Variants in ANKRD12 observed in about 807,000 individuals in gnomAD.
The protein encoded by ANKRD12 is ankyrin repeat domain-containing protein 12.
In ANKRD12, 85 loss-of-function variants were observed where a neutral mutation model predicts 183.4. That is an observed-to-expected ratio of 0.46 (90% CI 0.39 to 0.56). The LOEUF (loss-of-function observed/expected upper bound fraction) is 0.56, where lower values mean the gene tolerates loss of function less well. ANKRD12 is among the 20% of genes least tolerant of loss of function. ANKRD12 has a pLI of 0.00. For missense variants in ANKRD12, 2,405 were observed against 2,357.1 expected (o/e 1.02, Z -0.42); for synonymous variants, 914 against 800.2 (o/e 1.14, Z -2.40).
chr18:9,276,545 C>T (rs1040175108), intron 11 of ANKRD12, among the ~76,000 whole-genome samples: 24 of 152,056 alleles, frequency 1.6e-4, no homozygotes, highest in African/African-American at 5.5e-4. Context: ...GAAACCCCGT[C>T]TTTACAAAAA....
intron 1 of ANKRD12, among the ~76,000 whole-genome samples, chr18:9,170,475 T>C (rs546656987): frequency 2.0e-4 from 30 of 152,364 alleles, no homozygotes; most frequent in Admixed American, 5.2e-4. Flanking sequence ...CCGTCACTTA[T>C]ACCCTTTCTT....
At chr18:9,170,139 C>G (rs1286748562) in intron 1 of ANKRD12, among the ~76,000 whole-genome samples, 3 of 152,206 alleles carry the variant, frequency 2.0e-5, no homozygotes, top group African/African-American at 4.8e-5. Context: ...TCTGGCTGCC[C>G]TTAACATTTT....
At chr18:9,238,285 A>T (rs1381006955) in intron 8 of ANKRD12, among the ~76,000 whole-genome samples, 1 of 152,076 alleles carries the variant, frequency 6.6e-6, no homozygotes, top group Admixed American at 6.5e-5. Context: ...CCCTCTTCTC[A>T]TGCTGCATAC....
intron 12 of ANKRD12, 54 bp downstream of exon 12, chr18:9,279,698 A>T (rs934540028): frequency 9.2e-6 from 10 of 1,088,774 alleles, no homozygotes; most frequent in Non-Finnish European, 1.3e-5. Context: ...CTTAAAAAAA[A>T]AAAAAACTCT....
At chr18:9,273,807 T>C (rs1252135749) in intron 10 of ANKRD12, among the ~76,000 whole-genome samples, 1 of 152,174 alleles carries the variant, frequency 6.6e-6, no homozygotes, top group African/African-American at 2.4e-5. Context: ...CCCAGAGCAT[T>C]GAGATTACAG....
At chr18:9,268,344 C>T (rs1430194620) in intron 10 of ANKRD12, among the ~76,000 whole-genome samples, 1 of 152,170 alleles carries the variant, frequency 6.6e-6, no homozygotes, top group Non-Finnish European at 1.5e-5. Context: ...ACCAATATCC[C>T]TGATGAACAT....
chr18:9,192,617 G>GT (rs1008868434), intron 2 of ANKRD12, among the ~76,000 whole-genome samples: 9 of 151,592 alleles, frequency 5.9e-5, no homozygotes, highest in Non-Finnish European at 1.2e-4. Context: ...TTGAATTTTT[G>GT]TTTTTTTGGT....
chr18:9,148,026 G>A (rs981788391), intron 1 of ANKRD12, among the ~76,000 whole-genome samples: 3 of 152,176 alleles, frequency 2.0e-5, no homozygotes, highest in African/African-American at 7.2e-5. Context: ...TGACAGTGAA[G>A]TGAATACAGT....
At chr18:9,247,875 C>G (rs1383569486) in intron 8 of ANKRD12, among the ~76,000 whole-genome samples, 1 of 151,986 alleles carries the variant, frequency 6.6e-6, no homozygotes, top group Non-Finnish European at 1.5e-5. Context: ...CAACTTCCAC[C>G]TCCCAGGTTC....
intron 6 of ANKRD12, 39 bp from the exon 7 acceptor site, chr18:9,216,719 G>A: frequency 6.2e-7 from 1 of 1,601,326 alleles, no homozygotes; most frequent in East Asian, 2.3e-5. Flanking sequence ...TTTTGAAGTA[G>A]CGCAAGTGAA....
At position 9,195,627 on chromosome 18, in the gene ANKRD12, AATC is replaced by A. The variant is rs772286903; in HGVS notation, c.168_170del (p.Ser57del). On this transcript the variant is annotated inframe_deletion, in exon 3 of 13. Transcript: ENST00000262126. ...GATGTGAGCAAGGAGATGAAAGAGA[AATC>A]ATCCATGAAACGTAAACTTCCTTTT... 2.5e-6 allele frequency: 4 copies of A among 1,613,164 alleles called. No homozygotes were observed. Among genetic ancestry groups the A allele is most frequent in the Non-Finnish European group, 3.4e-6 (4 of 1,179,594 alleles).
intron 1 of ANKRD12, among the ~76,000 whole-genome samples, chr18:9,139,890 A>T (rs1028805918): frequency 6.6e-6 from 1 of 152,212 alleles, no homozygotes; most frequent in African/African-American, 2.4e-5. Flanking sequence ...GCAGCTAGTT[A>T]AAAACTAGTC....
At chr18:9,248,929 T>C (rs16954886) in intron 8 of ANKRD12, among the ~76,000 whole-genome samples, 11,336 of 152,292 alleles carry the variant, frequency 0.074, 436 homozygotes, top group African/African-American at 0.083. Flanking sequence ...ATAGTTGCCA[T>C]CTGGGTACTA....
chr18:9,235,812 G>T (rs2037313988), intron 8 of ANKRD12: 1 of 391,042 alleles, frequency 2.6e-6, no homozygotes, highest in Non-Finnish European at 5.2e-6. Flanking sequence ...AAATAAAAAT[G>T]ATTTAAAAGG....
At chr18:9,174,950 ATTT>A (rs2033126046) in intron 1 of ANKRD12, among the ~76,000 whole-genome samples, 2 of 151,986 alleles carry the variant, frequency 1.3e-5, no homozygotes, top group South Asian at 2.1e-4. Context: ...TTATTTATTT[ATTT>A]ATTTAATTTG....
chr18:9,171,353 C>T (rs933230746), intron 1 of ANKRD12, among the ~76,000 whole-genome samples: 2 of 152,162 alleles, frequency 1.3e-5, no homozygotes, highest in African/African-American at 2.4e-5. Context: ...TTGAAGACAG[C>T]GTACTGATGG....
At chr18:9,248,139 A>C (rs1270139151) in intron 8 of ANKRD12, among the ~76,000 whole-genome samples, 1 of 152,076 alleles carries the variant, frequency 6.6e-6, no homozygotes, top group Non-Finnish European at 1.5e-5. Context: ...CCTTATTTCA[A>C]ATTTTTACAG....
At chr18:9,200,777 G>C (rs2144500156) in intron 3 of ANKRD12, 1 of 152,256 alleles carries the variant, frequency 6.6e-6, no homozygotes, top group African/African-American at 2.4e-5. Flanking sequence ...ACTAACACTG[G>C]TTTAAATACA....
chr18:9,188,496 G>A (rs2034251032), intron 2 of ANKRD12, among the ~76,000 whole-genome samples: 1 of 152,214 alleles, frequency 6.6e-6, no homozygotes, highest in Admixed American at 6.5e-5. Flanking sequence ...GGAGAATTAT[G>A]TCCCAACACA....
Sources: allele counts gnomAD v4.1 joint callset (sites outside exome capture counted in the v4.1 genomes callset), GRCh38; gene constraint gnomAD v4.1.1; transcripts MANE v1.5; gene names NCBI Gene and HGNC (gene_info 2026-07-23, HGNC 2026-07-21).